The following KCNQ3 variants were observed in gnomAD, a reference collection of about 807,000 sequenced individuals.
KCNQ3 encodes potassium voltage-gated channel subfamily Q member 3.
A neutral mutation model predicts 92.5 loss-of-function variants in KCNQ3; 30 were observed. That is an observed-to-expected ratio of 0.32 (90% confidence interval 0.24 to 0.44). The LOEUF (loss-of-function observed/expected upper bound fraction) is 0.44. Among genes scored for constraint, KCNQ3 ranks in the 20% least tolerant of loss-of-function variants. The pLI is 1.00. For synonymous variants in KCNQ3, 450 were observed against 468.8 expected (o/e 0.96, Z 0.52); for missense variants, 913 against 1,140.3 (o/e 0.80, Z 2.87).
rs549883710 is a variant in KCNQ3, at chr8:132,127,251, T to C, written c.*2011A>G. The C allele has an allele frequency of 1.1e-4, 16 of 152,330 alleles. No homozygotes were observed. Among genetic ancestry groups the C allele is most frequent in the African/African-American group, 3.6e-4 (15 of 41,574 alleles). 9.4% of individuals were successfully genotyped at this position (152,330 alleles called of 1,614,324 possible). ...ATGTCTGATGCATTGAGCATTCTGGTATATTTCCCATCTCAGACTTCAAGG... is the reference window on the plus strand; with the variant it reads ...ATGTCTGATGCATTGAGCATTCTGGCATATTTCCCATCTCAGACTTCAAGG... On this transcript the variant is annotated 3_prime_UTR_variant, in exon 15 of 15. Transcript: ENST00000388996.
At chr8:132,270,399 T>C (rs1361207253) in intron 1 of KCNQ3, among the ~76,000 whole-genome samples, 1 of 152,216 alleles carries the variant, frequency 6.6e-6, no homozygotes, top group Non-Finnish European at 1.5e-5. Flanking sequence ...CCTAACATGC[T>C]CATCTAAGGC....
intron 1 of KCNQ3, among the ~76,000 whole-genome samples, chr8:132,319,406 G>C (rs1040818810): frequency 1.3e-5 from 2 of 152,108 alleles, no homozygotes; most frequent in African/African-American, 2.4e-5. Context: ...CAAGGTCTGT[G>C]GGCTTATTCT....
chr8:132,390,590 C>A (rs558179479), intron 1 of KCNQ3, among the ~76,000 whole-genome samples: 1 of 152,318 alleles, frequency 6.6e-6, no homozygotes, highest in Non-Finnish European at 1.5e-5. Flanking sequence ...TTCTCATGCA[C>A]CTCCAGGGCT....
At chr8:132,440,362 C>A (rs1454470266) in intron 1 of KCNQ3, among the ~76,000 whole-genome samples, 2 of 152,168 alleles carry the variant, frequency 1.3e-5, no homozygotes, top group African/African-American at 4.8e-5. Flanking sequence ...ATGGCGCTGA[C>A]CAGGTCCTGC....
chr8:132,179,414 A>T (rs1205951331), intron 4 of KCNQ3, among the ~76,000 whole-genome samples: 2 of 152,092 alleles, frequency 1.3e-5, no homozygotes, highest in Non-Finnish European at 2.9e-5. Flanking sequence ...CTGGAATGCC[A>T]GGGTTTATAT....
At chr8:132,339,266 G>A (rs891445943) in intron 1 of KCNQ3, among the ~76,000 whole-genome samples, 3 of 152,122 alleles carry the variant, frequency 2.0e-5, no homozygotes, top group Non-Finnish European at 4.4e-5. Flanking sequence ...AATCTATGTT[G>A]TATATCATTT....
intron 1 of KCNQ3, among the ~76,000 whole-genome samples, chr8:132,218,421 C>G (rs1387953837): frequency 6.6e-6 from 1 of 152,182 alleles, no homozygotes; most frequent in Non-Finnish European, 1.5e-5. Flanking sequence ...GTGAATGCTC[C>G]TATGCTATAA....
Position 132,418,258 on chromosome 8 carries a change from G to A in KCNQ3, c.386+61889C>T, listed in dbSNP as rs191737350. On this transcript the variant is annotated intron_variant, in intron 1 of 14. Coordinates refer to ENST00000388996, the MANE Select transcript of KCNQ3 (RefSeq NM_004519.4). ...GACCATAGGCTTTCTGAAGAGGAGC[G>A]GCATTAACTGGCAGCCAGCAAGAAG... Among the ~76,000 whole-genome samples the A allele has an allele frequency of 1.9e-4, 29 of 152,264 alleles. No homozygotes were observed. The East Asian group carries it at 5.4e-3, about 28-fold the overall frequency.
chr8:132,154,230 T>C, intron 9 of KCNQ3, among the ~76,000 whole-genome samples: 1 of 141,190 alleles, frequency 7.1e-6, no homozygotes, highest in East Asian at 2.4e-4. Flanking sequence ...TTTTAGCCAA[T>C]CAGGCTTTTT....
intron 8 of KCNQ3, among the ~76,000 whole-genome samples, chr8:132,167,056 C>T (rs1826163371): frequency 6.6e-6 from 1 of 152,104 alleles, no homozygotes; most frequent in African/African-American, 2.4e-5. Flanking sequence ...TCATTAAACA[C>T]AATGTGGTAT....
intron 1 of KCNQ3, among the ~76,000 whole-genome samples, chr8:132,479,179 C>T (rs575650307): frequency 5.4e-4 from 82 of 152,202 alleles, no homozygotes; most frequent in South Asian, 4.4e-3. Flanking sequence ...ACCATCCTCT[C>T]CCCCCTCCCA....
chr8:132,195,108 CTCTTT>C (rs1445174449), intron 1 of KCNQ3, among the ~76,000 whole-genome samples: 4 of 151,970 alleles, frequency 2.6e-5, no homozygotes, highest in Non-Finnish European at 5.9e-5. Context: ...TGTTCATCTT[CTCTTT>C]TGAGAGTTGA....
chr8:132,171,794 T>C (rs1048485376), intron 7 of KCNQ3, among the ~76,000 whole-genome samples: 9 of 152,070 alleles, frequency 5.9e-5, no homozygotes, highest in African/African-American at 2.2e-4. Context: ...TGAGGGGAAG[T>C]AGAAGGAGAA....
At chr8:132,197,624 A>T (rs2130244962) in intron 1 of KCNQ3, among the ~76,000 whole-genome samples, 1 of 151,814 alleles carries the variant, frequency 6.6e-6, no homozygotes. Context: ...TTTCTTCTCC[A>T]GGACAAACCA....
intron 1 of KCNQ3, among the ~76,000 whole-genome samples, chr8:132,470,331 A>C (rs1013502369): frequency 1.3e-5 from 2 of 152,102 alleles, no homozygotes; most frequent in Non-Finnish European, 2.9e-5. Context: ...TTTATTTCTA[A>C]AAGTTGTTTT....
At chr8:132,230,548 T>A (rs1283189420) in intron 1 of KCNQ3, among the ~76,000 whole-genome samples, 1 of 152,184 alleles carries the variant, frequency 6.6e-6, no homozygotes, top group Admixed American at 6.5e-5. Context: ...TCCTGTCATT[T>A]ACTCAGGAAG....
intron 1 of KCNQ3, among the ~76,000 whole-genome samples, chr8:132,314,927 AC>A (rs1817697497): frequency 6.6e-6 from 1 of 152,198 alleles, no homozygotes; most frequent in South Asian, 2.1e-4. Context: ...AACAACAACA[AC>A]CATATTCAGA....
intron 1 of KCNQ3, among the ~76,000 whole-genome samples, chr8:132,329,452 G>A (rs937538274): frequency 6.6e-6 from 1 of 152,116 alleles, no homozygotes; most frequent in Non-Finnish European, 1.5e-5. Flanking sequence ...TCTGCTAGTA[G>A]AAAAGGATAC....
At chr8:132,241,291 A>C (rs1814989361) in intron 1 of KCNQ3, among the ~76,000 whole-genome samples, 1 of 152,124 alleles carries the variant, frequency 6.6e-6, no homozygotes, top group Non-Finnish European at 1.5e-5. Flanking sequence ...AAATTGTCAG[A>C]GCTCCTTCCA....
Sources: gnomAD v4.1 joint callset for allele counts (sites outside exome capture counted in the v4.1 genomes callset) on GRCh38, gnomAD v4.1.1 for gene constraint, MANE v1.5 for transcripts, NCBI Gene and HGNC (gene_info 2026-07-23, HGNC 2026-07-21) for gene names.